The following ASAP1 variants were observed in gnomAD, a reference collection of about 807,000 sequenced individuals.
The protein encoded by ASAP1 is arf-GAP with SH3 domain, ANK repeat and PH domain-containing protein 1.
Under a neutral mutation model 145.2 loss-of-function variants are expected in ASAP1, and 43 were observed. That is an observed-to-expected ratio of 0.30 (90% CI 0.23 to 0.38). The LOEUF is 0.38. Ranked by LOEUF, ASAP1 falls within the 10% of genes least tolerant of loss-of-function variation. ASAP1 has a pLI of 1.00. For synonymous variants in ASAP1, 546 were observed against 515.5 expected, an observed-to-expected ratio of 1.06 and a Z score of -0.80; for missense variants, 1,018 against 1,355.3, an observed-to-expected ratio of 0.75 and a Z score of 3.91.
At chr8:130,261,486 C>T (rs141431018) in intron 3 of ASAP1, among the ~76,000 whole-genome samples, 61 of 152,102 alleles carry the variant, frequency 4.0e-4, no homozygotes, top group African/African-American at 1.4e-3. Flanking sequence ...GTGGGAGGCT[C>T]GGAAAATACG....
chr8:130,381,582 A>G (rs1827771922), intron 2 of ASAP1, among the ~76,000 whole-genome samples: 1 of 152,198 alleles, frequency 6.6e-6, no homozygotes, highest in Non-Finnish European at 1.5e-5. Flanking sequence ...CCTAAGGGAC[A>G]GGATGACGCC....
At chr8:130,081,489 C>T (rs1316513693) in intron 25 of ASAP1, among the ~76,000 whole-genome samples, 3 of 152,160 alleles carry the variant, frequency 2.0e-5, no homozygotes, top group Non-Finnish European at 2.9e-5. Flanking sequence ...AGCCTCCTCT[C>T]CTCCTCTACC....
intron 1 of ASAP1, among the ~76,000 whole-genome samples, chr8:130,422,031 G>A (rs952568044): frequency 6.6e-6 from 1 of 152,216 alleles, no homozygotes; most frequent in Non-Finnish European, 1.5e-5. Context: ...CAAGGTAGAG[G>A]GGGTGGGCAC....
intron 11 of ASAP1, among the ~76,000 whole-genome samples, chr8:130,163,443 T>A (rs1292987598): frequency 6.6e-6 from 1 of 152,206 alleles, no homozygotes; most frequent in Non-Finnish European, 1.5e-5. Context: ...CTTTTAAAGA[T>A]GAATAAAGTG....
chr8:130,061,203 C>A, intron 27 of ASAP1, 134 bp from the exon 28 acceptor site: 1 of 1,012,896 alleles, frequency 9.9e-7, no homozygotes, highest in Non-Finnish European at 1.4e-6. Flanking sequence ...ACTCAGGGGC[C>A]AGGCCCACCC....
chr8:130,136,859 G>A, intron 14 of ASAP1, 92 bp downstream of exon 14: 1 of 1,053,650 alleles, frequency 9.5e-7, no homozygotes, highest in South Asian at 1.3e-5. Flanking sequence ...ACTGTGAGGA[G>A]CCCTGCTTGG....
At chr8:130,391,710 G>A (rs1355528059) in intron 2 of ASAP1, among the ~76,000 whole-genome samples, 1 of 152,200 alleles carries the variant, frequency 6.6e-6, no homozygotes, top group Non-Finnish European at 1.5e-5. Flanking sequence ...GTATGTCAGT[G>A]GCAATAGATA....
At chr8:130,185,336 C>T (rs971242938) in intron 7 of ASAP1, among the ~76,000 whole-genome samples, 5 of 152,148 alleles carry the variant, frequency 3.3e-5, no homozygotes, top group African/African-American at 1.2e-4. Context: ...TGAAATAGTA[C>T]ATAAACTATG....
At chr8:130,160,843 A>G (rs961979434) in intron 11 of ASAP1, 41 of 1,244,686 alleles carry the variant, frequency 3.3e-5, no homozygotes, top group Non-Finnish European at 4.1e-5. Context: ...AGAACATTTG[A>G]AAATATAGTT....
intron 4 of ASAP1, among the ~76,000 whole-genome samples, chr8:130,228,233 T>C (rs1461813242): frequency 6.6e-6 from 1 of 152,176 alleles, no homozygotes; most frequent in Non-Finnish European, 1.5e-5. Context: ...AGGAGCATCC[T>C]AGCTCCTCAC....
In ASAP1 at chr8:130,052,526, C is replaced by G. The variant is rs944355404; in HGVS notation, c.*2205G>C. 1 of 152,270 alleles carries G rather than the reference C, an allele frequency of 6.6e-6. No individual in the cohort carries two copies. The highest frequency in any genetic ancestry group is 3.5e-3 in the Middle Eastern group (1 of 288). 9.4% of individuals were successfully genotyped at this position (152,270 alleles called of 1,614,324 possible). A position where few individuals can be genotyped will look rare whatever the true frequency, so the allele number is the denominator to read the frequency against. On this transcript the variant is annotated 3_prime_UTR_variant, in exon 30 of 30. Transcript: ENST00000518721. ...TCAGACTTAAACTCAACAAGATCAC[C>G]AAAGGTATTTCTACTGAGTTTTCCT...
chr8:130,402,207 G>A (rs936963108), intron 1 of ASAP1, among the ~76,000 whole-genome samples: 1 of 152,158 alleles, frequency 6.6e-6, no homozygotes, highest in Non-Finnish European at 1.5e-5. Flanking sequence ...GAATCCTTCT[G>A]GCATTCTATT....
At chr8:130,401,774 T>C in intron 2 of ASAP1, 111 bp downstream of exon 2, 1 of 976,478 alleles carries the variant, frequency 1.0e-6, no homozygotes, top group East Asian at 2.4e-5. Flanking sequence ...CAGTCTCTGT[T>C]AGATTCCAGT....
intron 3 of ASAP1, among the ~76,000 whole-genome samples, chr8:130,262,038 A>C (rs1819929417): frequency 6.6e-6 from 1 of 152,116 alleles, no homozygotes; most frequent in South Asian, 2.1e-4. Flanking sequence ...TCACTTGCTA[A>C]CAACCAGCAT....
chr8:130,431,864 G>C (rs1830145528), intron 1 of ASAP1, among the ~76,000 whole-genome samples: 1 of 144,232 alleles, frequency 6.9e-6, no homozygotes, highest in Non-Finnish European at 1.5e-5. Flanking sequence ...AGGAGGAAAG[G>C]GAGGAGTAGG....
chr8:130,209,346 T>A (rs1384876586), intron 5 of ASAP1, among the ~76,000 whole-genome samples: 4 of 152,172 alleles, frequency 2.6e-5, no homozygotes, highest in Non-Finnish European at 4.4e-5. Flanking sequence ...GTTCTCAAAG[T>A]ATGGCGCCTA....
intron 3 of ASAP1, among the ~76,000 whole-genome samples, chr8:130,280,317 T>C (rs1248518505): frequency 3.9e-5 from 6 of 152,212 alleles, no homozygotes; most frequent in Non-Finnish European, 8.8e-5. Context: ...AGAATACAAG[T>C]TTTTAAAAGT....
rs759451263 is a variant in ASAP1, at chr8:130,115,625, C to G, written c.2172+3G>C. ...AGAATTCGAGGACATAATTTACACTCACTTTGTCATCCAGATCATCATCGC... is the reference window on the plus strand; with the variant it reads ...AGAATTCGAGGACATAATTTACACTGACTTTGTCATCCAGATCATCATCGC... On this transcript the variant is annotated splice_donor_region_variant and intron_variant, in intron 23 of 29. Coordinates refer to ENST00000518721, the MANE Select transcript of ASAP1 (RefSeq NM_018482.4). The G allele has an allele frequency of 5.6e-6, 9 of 1,609,230 alleles. No homozygotes were observed. Among genetic ancestry groups the G allele is most frequent in the Non-Finnish European group, 7.7e-6 (9 of 1,175,760 alleles).
intron 4 of ASAP1, among the ~76,000 whole-genome samples, chr8:130,228,811 T>G (rs576060296): frequency 6.6e-6 from 1 of 152,066 alleles, no homozygotes; most frequent in African/African-American, 2.4e-5. Context: ...CCAGTGGCTA[T>G]TATTTTTTTT....
Sources: allele counts gnomAD v4.1 joint callset (sites outside exome capture counted in the v4.1 genomes callset), GRCh38; gene constraint gnomAD v4.1.1; transcripts MANE v1.5; gene names NCBI Gene and HGNC (gene_info 2026-07-23, HGNC 2026-07-21).